SATB2: variants seen among roughly 807,000 people sequenced by gnomAD.
SATB2 encodes SATB homeobox 2.
In SATB2, 1 loss-of-function variant was observed where a neutral mutation model predicts 73.4. That is an observed-to-expected ratio of 0.01 (90% CI 0.00 to 0.06). The LOEUF is 0.06. Ranked by LOEUF, SATB2 falls within the 10% of genes least tolerant of loss-of-function variation. The pLI is 1.00. For synonymous variants in SATB2, 397 were observed against 367.0 expected (o/e 1.08, Z -0.93); for missense variants, 459 against 945.8 (o/e 0.49, Z 6.75).
chr2:199,458,181 G>A (rs1304444612), upstream of SATB2: 5 of 176,188 alleles, frequency 2.8e-5, no homozygotes, highest in African/African-American at 6.0e-5. Flanking sequence ...CTGGTCCACC[G>A]CAAGAAAAGA....
rs60420320 is a variant in SATB2, at chr2:199,271,471, CT to C, written c.*739del. On this transcript the variant is annotated 3_prime_UTR_variant, in exon 11 of 11. Transcript: ENST00000417098. Reference sequence around the variant, plus strand: ...ATGTGCCCTGATTGTTTTCACTTCACTTTTTTTTTTTTCGGCAGTGTCGTTT... The same window carrying C: ...ATGTGCCCTGATTGTTTTCACTTCACTTTTTTTTTTTCGGCAGTGTCGTTT... 2.7e-3 allele frequency: 379 copies of C among 140,358 alleles called. No homozygotes were observed. Among genetic ancestry groups the C allele is most frequent in the Middle Eastern group, 0.015 (4 of 262 alleles). The allele number at this position is 140,358 out of a possible 1,614,324, so 8.7% of individuals were successfully genotyped here.
chr2:199,426,767 C>A (rs1691347988), intron 3 of SATB2, among the ~76,000 whole-genome samples: 1 of 151,468 alleles, frequency 6.6e-6, no homozygotes, highest in East Asian at 1.9e-4. Flanking sequence ...TTCTGAATTC[C>A]TTTCCAAAAT....
chr2:199,448,092 T>C (rs1692015983), intron 2 of SATB2, among the ~76,000 whole-genome samples: 1 of 152,204 alleles, frequency 6.6e-6, no homozygotes, highest in Non-Finnish European at 1.5e-5. Context: ...CTTTGGATTA[T>C]GACAAAAGAA....
intron 3 of SATB2, among the ~76,000 whole-genome samples, chr2:199,392,303 A>G (rs965102941): frequency 6.6e-6 from 1 of 152,108 alleles, no homozygotes; most frequent in Non-Finnish European, 1.5e-5. Flanking sequence ...TTGCAGAGAA[A>G]GAGGAACATT....
intron 3 of SATB2, among the ~76,000 whole-genome samples, chr2:199,410,257 C>T (rs1349828324): frequency 6.6e-6 from 1 of 152,186 alleles, no homozygotes; most frequent in Non-Finnish European, 1.5e-5. Context: ...CTTGGGTCAG[C>T]CACATCTAAT....
chr2:199,306,547 C>A (rs1219578222), intron 10 of SATB2, among the ~76,000 whole-genome samples: 2 of 152,066 alleles, frequency 1.3e-5, no homozygotes, highest in African/African-American at 4.8e-5. Context: ...TTGATAGCCA[C>A]AAGATGCTTA....
At position 199,328,688 on chromosome 2, in the gene SATB2, A is replaced by T; in HGVS notation, c.1386+10T>A. The stretch of plus-strand genomic sequence containing the variant: ...CAAAGAGTGAAAAATACGGAAAGCA[A>T]GTTTCTCACCTGAGGGGTTCGGGAG... On this transcript the variant is annotated intron_variant, in intron 8 of 10. Coordinates refer to ENST00000417098, the MANE Select transcript of SATB2 (RefSeq NM_001172509.2). 2 of 1,610,262 alleles carry T rather than the reference A, an allele frequency of 1.2e-6. No individual in the cohort carries two copies. The highest frequency in any genetic ancestry group is 1.7e-6 in the Non-Finnish European group (2 of 1,177,928).
rs1452420369 is a variant in SATB2 at position 199,272,597 on chromosome 2, G to C, written c.1816C>G (p.Pro606Ala). 1.9e-6 allele frequency: 3 copies of C among 1,614,158 alleles called. No individual in the cohort carries two copies. The highest frequency in any genetic ancestry group is 1.6e-4 in the Middle Eastern group (1 of 6,062). ...TTTTTGGCACAACTGTCTTCAGTCG[G>C]AGGAGGTGGGGGAGGCGCTTCTTCT... The part of the protein sequence containing the change: ...PREEAPPPPP[P>A]TEDSCAKKPR... The change falls in exon 11 of 11, where the codon CCG becomes GCG. Residue 606 changes from proline to alanine, a missense_variant. Pro to Ala is a conservative substitution (Grantham distance 27). Coordinates refer to ENST00000417098, the MANE Select transcript of SATB2 (RefSeq NM_001172509.2). This position sits in a 1 kb window ranked among gnomAD's most constrained non-coding sequence, Gnocchi z 6.7.
chr2:199,374,537 TAA>T (rs1298590021), intron 5 of SATB2, among the ~76,000 whole-genome samples: 1 of 152,204 alleles, frequency 6.6e-6, no homozygotes, highest in East Asian at 1.9e-4. Context: ...GTTGTAAGCT[TAA>T]AAACGTTTAG....
At position 199,463,873 on chromosome 2, in the gene SATB2, C is replaced by G. The variant is rs779123856; in HGVS notation, c.-141+963G>C. 6.6e-6 allele frequency among the ~76,000 whole-genome samples: 1 copy of G among 152,228 alleles called. No homozygotes were observed. Among genetic ancestry groups the G allele is most frequent in the African/African-American group, 2.4e-5 (1 of 41,470 alleles). ...GGCGTCCAGAAATCCGCTCCCACCC[C>G]TCGTAGGGGCAGGCAAGCTCAGGCA... On this transcript the variant is annotated intron_variant, in intron 1 of 11. Transcript: ENST00000260926. This position sits in a 1 kb window ranked among gnomAD's most constrained non-coding sequence, Gnocchi z 6.4.
chr2:199,334,790 C>A (rs772067332), intron 7 of SATB2, among the ~76,000 whole-genome samples: 1 of 152,040 alleles, frequency 6.6e-6, no homozygotes, highest in South Asian at 2.1e-4. Context: ...TTAGCCAAAG[C>A]GGTTAAATCA....
rs540026780 is a variant in SATB2 at position 199,289,088 on chromosome 2, CA to C, written c.1741-16417del. Among the ~76,000 whole-genome samples, 944 of 152,192 alleles carry C rather than the reference CA, an allele frequency of 6.2e-3. 10 individuals carry two copies. The highest frequency in any genetic ancestry group is 0.021 in the African/African-American group (886 of 41,502). On this transcript the variant is annotated intron_variant, in intron 10 of 10. Transcript: ENST00000417098. ...TTAAATATGTGAGGTAGAAACTTCCCAAAAGTTTGGGCTCTTAATTCTAGGG... is the reference window on the plus strand; with the variant it reads ...TTAAATATGTGAGGTAGAAACTTCCCAAAGTTTGGGCTCTTAATTCTAGGG...
At chr2:199,431,688 T>C (rs1691505518) in intron 3 of SATB2, among the ~76,000 whole-genome samples, 1 of 152,182 alleles carries the variant, frequency 6.6e-6, no homozygotes, top group Admixed American at 6.5e-5. Context: ...ATAGTGTGGC[T>C]CCCTAGTGCA....
intron 10 of SATB2, among the ~76,000 whole-genome samples, chr2:199,304,523 T>C (rs1166860093): frequency 6.6e-6 from 1 of 152,148 alleles, no homozygotes; most frequent in African/African-American, 2.4e-5. Context: ...GGCCCCTCTT[T>C]ATGAAATTTT....
intron 6 of SATB2, among the ~76,000 whole-genome samples, chr2:199,361,818 C>T (rs957368703): frequency 6.1e-5 from 9 of 148,316 alleles, no homozygotes; most frequent in Middle Eastern, 7.0e-3. Context: ...AGTGCAGTGG[C>T]GCAATCTCAG....
At chr2:199,384,519 C>CT (rs1382873812) in intron 3 of SATB2, among the ~76,000 whole-genome samples, 1 of 152,164 alleles carries the variant, frequency 6.6e-6, no homozygotes, top group Non-Finnish European at 1.5e-5. Context: ...TGTTAATCCT[C>CT]TTTGCAAATA....
chr2:199,316,123 AAAGTCCCC>A (rs1187670599), intron 9 of SATB2, among the ~76,000 whole-genome samples: 3 of 152,126 alleles, frequency 2.0e-5, no homozygotes, highest in African/African-American at 7.3e-5. Context: ...GGAAGCACAT[AAAGTCCCC>A]AAACAAACTT....
intron 7 of SATB2, among the ~76,000 whole-genome samples, chr2:199,334,304 A>G (rs2105803702): frequency 6.6e-6 from 1 of 152,310 alleles, no homozygotes; most frequent in East Asian, 1.9e-4. Flanking sequence ...CTGGGATGAC[A>G]CTCATCTTCA....
At chr2:199,318,021 C>G (rs1365304481) in intron 9 of SATB2, among the ~76,000 whole-genome samples, 1 of 151,956 alleles carries the variant, frequency 6.6e-6, no homozygotes, top group Non-Finnish European at 1.5e-5. Context: ...GAAACTGGTC[C>G]ATGATAGGCT....
Sources: allele counts gnomAD v4.1 joint callset (sites outside exome capture counted in the v4.1 genomes callset), GRCh38; gene constraint gnomAD v4.1.1; non-coding constraint Gnocchi (gnomAD v3.1); transcripts MANE v1.5; gene names NCBI Gene and HGNC (gene_info 2026-07-23, HGNC 2026-07-21).